The following ACOT12 variants were observed in gnomAD, a reference collection of about 807,000 sequenced individuals.
The protein encoded by ACOT12 is acyl-CoA thioesterase 12.
ACOT12 carries 51 observed loss-of-function variants against 67.7 expected under a neutral mutation model. The ratio of observed to expected loss-of-function variants is 0.75; its 90% CI spans 0.60 to 0.95. ACOT12 has a LOEUF of 0.95. Ranked by LOEUF, ACOT12 falls within the 40% of genes least tolerant of loss-of-function variation. ACOT12 has a pLI of 0.00. For missense variants in ACOT12, 734 were observed against 708.1 expected (o/e 1.04, Z -0.41); for synonymous variants, 251 against 244.6 (o/e 1.03, Z -0.24).
chr5:81,356,300 C>T (rs1436323814), intron 5 of ACOT12, among the ~76,000 whole-genome samples: 1 of 152,146 alleles, frequency 6.6e-6, no homozygotes, highest in East Asian at 1.9e-4. Context: ...CGCAGTTGAC[C>T]ACTTACTATT....
the ACOT12 span, among the ~76,000 whole-genome samples, chr5:81,314,119 T>G: frequency 6.6e-6 from 1 of 151,548 alleles, no homozygotes; most frequent in Non-Finnish European, 1.5e-5. Flanking sequence ...TGTGTATAAT[T>G]TTTTTTTTGA....
chr5:81,327,439 G>A (rs1463077801), downstream of ACOT12, among the ~76,000 whole-genome samples: 2 of 152,070 alleles, frequency 1.3e-5, no homozygotes, highest in African/African-American at 2.4e-5. Context: ...TAATAGGAAT[G>A]AGCTTCCTTT....
chr5:81,319,865 T>G, the ACOT12 span, among the ~76,000 whole-genome samples: 1 of 140,652 alleles, frequency 7.1e-6, no homozygotes, highest in African/African-American at 2.7e-5. Flanking sequence ...CATTGGGAAG[T>G]TTTAAGCTAG....
At chr5:81,382,273 G>T (rs1760605487) in intron 2 of ACOT12, among the ~76,000 whole-genome samples, 1 of 152,148 alleles carries the variant, frequency 6.6e-6, no homozygotes, top group Non-Finnish European at 1.5e-5. Context: ...TCCTGCCCAG[G>T]TTGTGGTCTC....
chr5:81,337,509 G>A (rs1214394735), intron 11 of ACOT12, among the ~76,000 whole-genome samples: 1 of 152,130 alleles, frequency 6.6e-6, no homozygotes, highest in Non-Finnish European at 1.5e-5. Flanking sequence ...GGTAGGATGG[G>A]CCCCTAATCC....
At chr5:81,379,249 ATG>A (rs1760507071) in intron 2 of ACOT12, among the ~76,000 whole-genome samples, 1 of 136,334 alleles carries the variant, frequency 7.3e-6, no homozygotes, top group East Asian at 2.4e-4. Flanking sequence ...CAAACACCGC[ATG>A]TTCTCACTTG....
rs778364116 is a variant in ACOT12, at chr5:81,359,920, T to G, written c.479A>C (p.Glu160Ala). ...HEDTFNNLMK[E>A]SSKFDDLIFD... ...TTACTGACCATCAAATTTGCTACTT[T>G]CCTTCATTAAATTGTTAAAGGTATC... Residue 160 changes from glutamate (E) to alanine (A), a missense_variant, in exon 5 of 15, where the codon GAA becomes GCA. Physicochemically the swap from Glu to Ala is moderately radical, Grantham distance 107 (BLOSUM62 -1). Coordinates refer to ENST00000307624, the MANE Select transcript of ACOT12 (RefSeq NM_130767.3). 1 of 1,607,044 alleles carries G rather than the reference T, an allele frequency of 6.2e-7. No individual in the cohort carries two copies. The highest frequency in any genetic ancestry group is 8.5e-7 in the Non-Finnish European group (1 of 1,178,492).
chr5:81,370,644 A>C (rs1760220643), intron 3 of ACOT12, among the ~76,000 whole-genome samples: 1 of 152,212 alleles, frequency 6.6e-6, no homozygotes, highest in Admixed American at 6.6e-5. Context: ...GGAGGGTAGG[A>C]GAGCAGCATG....
chr5:81,357,791 AG>A (rs537594376), intron 5 of ACOT12, among the ~76,000 whole-genome samples: 164 of 152,238 alleles, frequency 1.1e-3, no homozygotes, highest in African/African-American at 3.8e-3. Context: ...GGATCACCTG[AG>A]GTCAGGAGTT....
the ACOT12 span, among the ~76,000 whole-genome samples, chr5:81,314,324 C>T: frequency 1.3e-5 from 2 of 152,066 alleles, no homozygotes; most frequent in African/African-American, 2.4e-5. Flanking sequence ...AGGCTGGTCT[C>T]GAAATCTTGA....
downstream of ACOT12, among the ~76,000 whole-genome samples, chr5:81,326,772 G>A (rs1243814063): frequency 3.3e-5 from 5 of 152,166 alleles, no homozygotes; most frequent in African/African-American, 4.8e-5. Context: ...GACCTATTTA[G>A]TTGTCTATGG....
chr5:81,390,654 C>A (rs1416559560), intron 1 of ACOT12, among the ~76,000 whole-genome samples: 3 of 151,118 alleles, frequency 2.0e-5, no homozygotes, highest in Non-Finnish European at 4.4e-5. Context: ...AAAGCACCTG[C>A]CACAACACCC....
intron 12 of ACOT12, among the ~76,000 whole-genome samples, chr5:81,333,076 A>G (rs546530836): frequency 6.7e-6 from 1 of 150,344 alleles, no homozygotes; most frequent in East Asian, 2.0e-4. Flanking sequence ...AAAAAAAAAA[A>G]AAGCCACAAC....
chr5:81,340,449 C>T (rs546028046), intron 11 of ACOT12, among the ~76,000 whole-genome samples: 5 of 152,146 alleles, frequency 3.3e-5, no homozygotes, highest in Non-Finnish European at 7.3e-5. Context: ...GCAACCTCTG[C>T]CGCCCAGGTT....
At chr5:81,312,511 T>C in the ACOT12 span, 1 of 1,550,482 alleles carries the variant, frequency 6.4e-7, no homozygotes, top group Non-Finnish European at 8.8e-7. Flanking sequence ...ATTACTGTTT[T>C]TCTAACATTC....
chr5:81,314,965 C>G, the ACOT12 span, among the ~76,000 whole-genome samples: 1 of 152,188 alleles, frequency 6.6e-6, no homozygotes, highest in African/African-American at 2.4e-5. Context: ...TAGGCATGAG[C>G]CACTACACCC....
At chr5:81,323,097 A>C in the ACOT12 span, among the ~76,000 whole-genome samples, 38 of 152,066 alleles carry the variant, frequency 2.5e-4, 1 homozygote, top group African/African-American at 4.3e-4. Flanking sequence ...AAAAAAAAAA[A>C]AAAACAGCAG....
Position 81,332,463 on chromosome 5 carries a change from C to G in ACOT12, c.1391+14G>C. On this transcript the variant is annotated intron_variant, in intron 13 of 14. Transcript: ENST00000307624. Reference sequence around the variant, plus strand: ...ATGAAATATTAATAGAACACTTGGACTGCATATACTCACCCATCTTTGAGG... The same window carrying G: ...ATGAAATATTAATAGAACACTTGGAGTGCATATACTCACCCATCTTTGAGG... 1.2e-6 allele frequency: 2 copies of G among 1,612,952 alleles called. No individual in the cohort carries two copies. The highest frequency in any genetic ancestry group is 1.7e-6 in the Non-Finnish European group (2 of 1,179,432).
At chr5:81,389,319 A>C (rs188017280) in intron 1 of ACOT12, among the ~76,000 whole-genome samples, 1 of 152,216 alleles carries the variant, frequency 6.6e-6, no homozygotes. Flanking sequence ...AGGGCCTTGA[A>C]GCTCTTGGTT....
Sources: gnomAD v4.1 joint callset for allele counts (sites outside exome capture counted in the v4.1 genomes callset) on GRCh38, gnomAD v4.1.1 for gene constraint, MANE v1.5 for transcripts, NCBI Gene and HGNC (gene_info 2026-07-23, HGNC 2026-07-21) for gene names.